The following IKZF2 variants were observed in gnomAD, a reference collection of about 807,000 sequenced individuals.
The protein encoded by IKZF2 is zinc finger protein Helios.
A neutral mutation model predicts 49.2 loss-of-function variants in IKZF2; 15 were observed. The ratio of observed to expected loss-of-function variants is 0.30; its 90% CI spans 0.20 to 0.47. The LOEUF is 0.47. Among genes scored for constraint, IKZF2 ranks in the 20% least tolerant of loss-of-function variants. The pLI, the probability that IKZF2 is intolerant of heterozygous loss-of-function variation, is 1.00. For missense variants in IKZF2, 567 were observed against 664.6 expected, an observed-to-expected ratio of 0.85 and a Z score of 1.61; for synonymous variants, 227 against 221.4, an observed-to-expected ratio of 1.03 and a Z score of -0.23.
chr2:213,029,408 T>G (rs1312391137), intron 6 of IKZF2, among the ~76,000 whole-genome samples: 1 of 152,082 alleles, frequency 6.6e-6, no homozygotes, highest in Non-Finnish European at 1.5e-5. Flanking sequence ...TTCTATTTTT[T>G]ATTTCATCTA....
chr2:213,139,068 T>A (rs2060778071), intron 4 of IKZF2, among the ~76,000 whole-genome samples: 1 of 151,952 alleles, frequency 6.6e-6, no homozygotes, highest in Admixed American at 6.6e-5. Flanking sequence ...AAGATTGTCT[T>A]CATAAAGTTA....
chr2:213,093,819 C>T (rs1373491506), intron 4 of IKZF2, among the ~76,000 whole-genome samples: 1 of 152,140 alleles, frequency 6.6e-6, no homozygotes, highest in African/African-American at 2.4e-5. Flanking sequence ...CAAAGGTTTC[C>T]TAAGTTGGGA....
chr2:213,124,240 T>TTG lies in IKZF2; in HGVS notation c.139+23467_139+23468insCA, dbSNP rs1553599600. Among the ~76,000 whole-genome samples, 98 of 118,382 alleles carry TTG rather than the reference T, an allele frequency of 8.3e-4. 2 individuals carry two copies. The Middle Eastern group carries it at 0.013, about 15-fold the overall frequency. The allele number at this position is 118,382 out of a possible 152,430, so 77.7% of individuals were successfully genotyped here. A position where few individuals can be genotyped will look rare whatever the true frequency, so the allele number is the denominator to read the frequency against. The stretch of plus-strand genomic sequence containing the variant: ...TCCTTGTGTGCACGCACACATGCGC[T>TTG]CGCGCGCGCGCGCACACACACACAC... On this transcript the variant is annotated intron_variant, in intron 4 of 8. Coordinates refer to ENST00000434687, the MANE Select transcript of IKZF2 (RefSeq NM_001387220.1).
chr2:213,097,106 G>A (rs910862308), intron 4 of IKZF2, among the ~76,000 whole-genome samples: 1 of 151,786 alleles, frequency 6.6e-6, no homozygotes, highest in African/African-American at 2.4e-5. Flanking sequence ...TACATCAAAT[G>A]TGCAGTAAAA....
At chr2:213,022,956 A>G (rs75034184) in intron 6 of IKZF2, among the ~76,000 whole-genome samples, 5,967 of 152,236 alleles carry the variant, frequency 0.039, 409 homozygotes, top group African/African-American at 0.14. Flanking sequence ...CTTAAAAAAC[A>G]AAGAAGAAAA....
chr2:213,111,610 A>C (rs1355992454), intron 4 of IKZF2, among the ~76,000 whole-genome samples: 1 of 152,108 alleles, frequency 6.6e-6, no homozygotes, highest in African/African-American at 2.4e-5. Context: ...CAATATTAAA[A>C]AAGAGTAAAG....
intron 4 of IKZF2, among the ~76,000 whole-genome samples, chr2:213,077,483 C>T (rs1703397103): frequency 2.0e-5 from 3 of 150,574 alleles, no homozygotes; most frequent in Admixed American, 2.0e-4. Context: ...TAAGTATGAA[C>T]TATAAAAATG....
At chr2:213,034,860 T>C (rs1698851751) in intron 6 of IKZF2, among the ~76,000 whole-genome samples, 1 of 152,220 alleles carries the variant, frequency 6.6e-6, no homozygotes. Flanking sequence ...AACGCAGTTA[T>C]CTGTGAAGTG....
chr2:213,147,114 C>G (rs2061102374), intron 4 of IKZF2, among the ~76,000 whole-genome samples: 1 of 152,128 alleles, frequency 6.6e-6, no homozygotes, highest in South Asian at 2.1e-4. Flanking sequence ...GTAGCCAAAA[C>G]TGTCTTTTCC....
intron 8 of IKZF2, among the ~76,000 whole-genome samples, chr2:213,012,557 G>C (rs1375605467): frequency 6.6e-6 from 1 of 151,798 alleles, no homozygotes; most frequent in African/African-American, 2.4e-5. Flanking sequence ...CCAAAGGCCT[G>C]AGGCAGTCCT....
intron 5 of IKZF2, among the ~76,000 whole-genome samples, chr2:213,054,734 G>T (rs527946230): frequency 9.2e-5 from 14 of 152,234 alleles, no homozygotes; most frequent in African/African-American, 3.1e-4. Context: ...AAAAAAGATA[G>T]TGTTGCAAGT....
chr2:213,056,048 C>T (rs1166695395), intron 5 of IKZF2, among the ~76,000 whole-genome samples: 2 of 152,056 alleles, frequency 1.3e-5, no homozygotes. Flanking sequence ...TAGCTTACCA[C>T]TTACTATCTC....
chr2:213,049,759 G>A lies in IKZF2; in HGVS notation c.528C>T (p.Ala176=). The A allele has an allele frequency of 6.2e-7, 1 of 1,610,488 alleles. No individual in the cohort carries two copies. The highest frequency in any genetic ancestry group is 8.5e-7 in the Non-Finnish European group (1 of 1,177,800). Reference sequence around the variant, plus strand: ...CTGTGAGGGCGTCCCTTCTTCTACAGGCGTAGCTACAGAAAGGACATTTGA... The same window carrying A: ...CTGTGAGGGCGTCCCTTCTTCTACAAGCGTAGCTACAGAAAGGACATTTGA... ...KPFKCPFCSY[A]CRRRDALTGH... The change falls in exon 6 of 9, where the codon GCC becomes GCT. Residue 176 remains alanine, a synonymous_variant. Coordinates refer to ENST00000434687, the MANE Select transcript of IKZF2 (RefSeq NM_001387220.1).
At chr2:213,114,421 G>A (rs2059805595) in intron 4 of IKZF2, among the ~76,000 whole-genome samples, 1 of 152,052 alleles carries the variant, frequency 6.6e-6, no homozygotes, top group African/African-American at 2.4e-5. Flanking sequence ...ATTTACTGTT[G>A]GATGGACTTG....
chr2:213,097,210 T>G (rs1349178143), intron 4 of IKZF2, among the ~76,000 whole-genome samples: 1 of 151,942 alleles, frequency 6.6e-6, no homozygotes, highest in Non-Finnish European at 1.5e-5. Flanking sequence ...CTATGGTGAT[T>G]CTAAAAAATA....
intron 4 of IKZF2, among the ~76,000 whole-genome samples, chr2:213,121,314 A>G (rs2060049196): frequency 6.6e-6 from 1 of 152,220 alleles, no homozygotes; most frequent in Non-Finnish European, 1.5e-5. Context: ...TTGGAGAAAT[A>G]TAAGGTCAAC....
chr2:213,019,175 A>G (rs1284779869), intron 7 of IKZF2, among the ~76,000 whole-genome samples: 1 of 152,176 alleles, frequency 6.6e-6, no homozygotes, highest in East Asian at 1.9e-4. Flanking sequence ...CAACACAGGG[A>G]AAAACATGTT....
intron 7 of IKZF2, chr2:213,014,832 A>G (rs1696390382): frequency 6.6e-6 from 1 of 152,062 alleles, no homozygotes; most frequent in South Asian, 2.1e-4. Flanking sequence ...GATTAAAAAC[A>G]GTGTTCTCAG....
intron 4 of IKZF2, among the ~76,000 whole-genome samples, chr2:213,134,436 T>C (rs2060583795): frequency 6.6e-6 from 1 of 152,190 alleles, no homozygotes. Context: ...AGGATATCTC[T>C]TACACACACA....
Sources: allele counts gnomAD v4.1 joint callset (sites outside exome capture counted in the v4.1 genomes callset), GRCh38; gene constraint gnomAD v4.1.1; transcripts MANE v1.5; gene names NCBI Gene and HGNC (gene_info 2026-07-23, HGNC 2026-07-21).